Variants in TSPO observed in about 807,000 individuals in gnomAD.
TSPO encodes translocator protein.
In TSPO, 14 loss-of-function variants were observed where a neutral mutation model predicts 13.9. The ratio of observed to expected loss-of-function variants is 1.01; its 90% CI spans 0.67 to 1.58. TSPO has a LOEUF of 1.58. TSPO is among the 40% of genes most tolerant of loss of function. The pLI is 0.00. For missense variants in TSPO, 232 were observed against 229.6 expected (o/e 1.01, Z -0.07); for synonymous variants, 114 against 105.9 (o/e 1.08, Z -0.47).
At chr22:43,155,077 A>G (rs1452492301) in intron 1 of TSPO, among the ~76,000 whole-genome samples, 1 of 150,520 alleles carries the variant, frequency 6.6e-6, no homozygotes, top group Admixed American at 6.6e-5. Flanking sequence ...GCAAGTGGTC[A>G]CGCGGCCCAG....
At position 43,162,804 on chromosome 22, in the gene TSPO, C is replaced by G; in HGVS notation, c.323C>G (p.Ala108Gly). Residue 108 changes from alanine to glycine, a missense_variant and splice_region_variant, in exon 4 of 4, where the codon GCC (alanine) becomes GGC (glycine). Coordinates refer to ENST00000337554, the MANE Select transcript of TSPO (RefSeq NM_000714.6). ...IFFGARQMGW[A>G]LVDLLLVSGA... ...TCCTCCGTCCCCCAATCTCTGCAGGCCTTGGTGGATCTCCTGCTGGTCAGT... is the reference window on the plus strand; with the variant it reads ...TCCTCCGTCCCCCAATCTCTGCAGGGCTTGGTGGATCTCCTGCTGGTCAGT... The G allele has an allele frequency of 6.3e-7, 1 of 1,579,378 alleles. No homozygotes were observed. Among genetic ancestry groups the G allele is most frequent in the Non-Finnish European group, 8.6e-7 (1 of 1,163,902 alleles).
chr22:43,152,878 C>T (rs1484057075), intron 1 of TSPO, among the ~76,000 whole-genome samples: 2 of 152,220 alleles, frequency 1.3e-5, no homozygotes, highest in African/African-American at 4.8e-5. Context: ...ACACTTGTGC[C>T]TGGCGTGAGG....
intron 1 of TSPO, 137 bp from the exon 2 acceptor site, chr22:43,159,073 C>T (rs1931345179): frequency 3.1e-6 from 2 of 649,348 alleles, no homozygotes; most frequent in South Asian, 2.7e-5. Context: ...CCACTCCCAC[C>T]CCGCACATCT....
intron 1 of TSPO, among the ~76,000 whole-genome samples, chr22:43,156,021 C>T (rs772670189): frequency 3.9e-5 from 6 of 152,254 alleles, no homozygotes; most frequent in African/African-American, 9.6e-5. Flanking sequence ...GGAAACTCCC[C>T]GCCCCCGACC....
At chr22:43,161,214 C>T (rs752385147) in intron 3 of TSPO, 24 bp downstream of exon 3, 1 of 1,598,692 alleles carries the variant, frequency 6.3e-7, no homozygotes, top group Non-Finnish European at 8.5e-7. Flanking sequence ...CAGCATGTGT[C>T]CCTGATCCCT....
rs779133076 is a variant in TSPO at position 43,162,758 on chromosome 22, G to A, written c.322-45G>A. Reference sequence around the variant, plus strand: ...CAGTGGGACAGGCACTTGGGTGAACGCGGTGCCTCAGGCCTCCCCATCCTC... The same window carrying A: ...CAGTGGGACAGGCACTTGGGTGAACACGGTGCCTCAGGCCTCCCCATCCTC... On this transcript the variant is annotated intron_variant, in intron 3 of 3. Transcript: ENST00000337554. The A allele has an allele frequency of 2.0e-5, 30 of 1,488,908 alleles. No individual in the cohort carries two copies. In the South Asian group the frequency reaches 2.3e-4, roughly 11 times the overall value. 92.2% of individuals were successfully genotyped at this position (1,488,908 alleles called of 1,614,324 possible).
chr22:43,156,377 C>T (rs917377285), intron 1 of TSPO, among the ~76,000 whole-genome samples: 1 of 152,236 alleles, frequency 6.6e-6, no homozygotes, highest in East Asian at 1.9e-4. Context: ...GTGACAGAAT[C>T]GTGGGGAGTT....
intron 1 of TSPO, among the ~76,000 whole-genome samples, chr22:43,156,530 G>C (rs1231626244): frequency 6.7e-6 from 1 of 150,080 alleles, no homozygotes; most frequent in East Asian, 2.0e-4. Context: ...GATTGCTGGC[G>C]GCCAGGGGTG....
At chr22:43,156,090 G>A (rs1288485936) in intron 1 of TSPO, among the ~76,000 whole-genome samples, 3 of 152,268 alleles carry the variant, frequency 2.0e-5, no homozygotes, top group African/African-American at 7.2e-5. Context: ...GACCCTCTGA[G>A]CCCCTTGGCC....
chr22:43,157,346 C>T (rs1437210007), intron 1 of TSPO, among the ~76,000 whole-genome samples: 2 of 149,278 alleles, frequency 1.3e-5, no homozygotes, highest in African/African-American at 2.6e-5. Flanking sequence ...AACACAGGAA[C>T]GTTTCTTGCC....
intron 1 of TSPO, among the ~76,000 whole-genome samples, chr22:43,158,597 T>A (rs1601757148): frequency 1.3e-5 from 2 of 151,910 alleles, no homozygotes; most frequent in African/African-American, 4.8e-5. Context: ...GGGGCGGTGG[T>A]TTTACTGGGG....
chr22:43,162,991 A>G lies in TSPO; in HGVS notation c.510A>G (p.Ter170TrpextTer32). 1 of 1,581,528 alleles carries G rather than the reference A, an allele frequency of 6.3e-7. No homozygotes were observed. The highest frequency in any genetic ancestry group is 8.6e-7 in the Non-Finnish European group (1 of 1,164,582). The part of the protein sequence containing the change: ...GWRGGRRLPE[*>W] ...GTGGGGGACGGCGGCTGCCAGAGTG[A>G]GTGCCCGGCCCACCAGGGACTGCAG... is the stretch of plus-strand genomic sequence containing the variant. Residue 170 changes from the stop codon to tryptophan, a stop_lost, in exon 4 of 4, where the codon TGA (stop) becomes TGG (tryptophan). Transcript: ENST00000337554.
In TSPO at chr22:43,161,069, T is replaced by C; in HGVS notation, c.200T>C (p.Val67Ala). The part of the protein sequence containing the change: ...YSAMGYGSYL[V>A]WKELGGFTEK... ...TGTTTCAGGTACGGCTCCTACCTGG[T>C]CTGGAAAGAGCTGGGAGGCTTCACA... is the stretch of plus-strand genomic sequence containing the variant. The change falls in exon 3 of 4, where the codon GTC becomes GCC. Residue 67 changes from valine to alanine, a missense_variant. Coordinates refer to ENST00000337554, the MANE Select transcript of TSPO (RefSeq NM_000714.6). The C allele has an allele frequency of 6.2e-7, 1 of 1,613,846 alleles. No homozygotes were observed. The highest frequency in any genetic ancestry group is 8.5e-7 in the Non-Finnish European group (1 of 1,179,838).
chr22:43,156,241 G>A (rs1931246057), intron 1 of TSPO, among the ~76,000 whole-genome samples: 1 of 152,174 alleles, frequency 6.6e-6, no homozygotes, highest in Non-Finnish European at 1.5e-5. Flanking sequence ...ACTTTTATTC[G>A]TTCCATACAA....
intron 1 of TSPO, among the ~76,000 whole-genome samples, chr22:43,158,977 C>T (rs1334865722): frequency 6.6e-6 from 1 of 152,072 alleles, no homozygotes; most frequent in Non-Finnish European, 1.5e-5. Context: ...GGGGTCAGTG[C>T]CAGAGACCCA....
rs8192467 is a variant in TSPO at position 43,162,978 on chromosome 22, G to A, written c.497G>A (p.Arg166Gln). ...RDNHGWRGGR[R>Q]LPE ...AACCATGGCTGGCGTGGGGGACGGC[G>A]GCTGCCAGAGTGAGTGCCCGGCCCA... Residue 166 changes from arginine (R) to glutamine (Q), a missense_variant, in exon 4 of 4, where the codon CGG becomes CAG. By Grantham distance (43) the Arg-to-Gln change is conservative. Coordinates refer to ENST00000337554, the MANE Select transcript of TSPO (RefSeq NM_000714.6). 2.5e-6 allele frequency: 4 copies of A among 1,582,386 alleles called. No individual in the cohort carries two copies. The highest frequency in any genetic ancestry group is 3.4e-6 in the Non-Finnish European group (4 of 1,165,208).
intron 1 of TSPO, among the ~76,000 whole-genome samples, chr22:43,154,255 G>C (rs1379295703): frequency 1.3e-5 from 2 of 152,128 alleles, no homozygotes; most frequent in African/African-American, 2.4e-5. Flanking sequence ...GAGAGACAAG[G>C]CTCAGGGGAG....
At chr22:43,160,959 G>A (rs1931415421) in intron 2 of TSPO, 93 bp from the exon 3 acceptor site, 3 of 1,463,840 alleles carry the variant, frequency 2.0e-6, no homozygotes. Context: ...GTCAGTGTCA[G>A]GTCACGTATG....
At position 43,159,212 on chromosome 22, in the gene TSPO, C is replaced by T; in HGVS notation, c.-27C>T. On this transcript the variant is annotated splice_region_variant and 5_prime_UTR_variant, in exon 2 of 4. Coordinates refer to ENST00000337554, the MANE Select transcript of TSPO (RefSeq NM_000714.6). Reference sequence around the variant, plus strand: ...CCCAGCCCTGTCTTCTCTTTCAGAGCTCCCCTGAACAGCAGCTGCAGCAGC... The same window carrying T: ...CCCAGCCCTGTCTTCTCTTTCAGAGTTCCCCTGAACAGCAGCTGCAGCAGC... 6.7e-7 allele frequency: 1 copy of T among 1,503,468 alleles called. No individual in the cohort carries two copies. The highest frequency in any genetic ancestry group is 2.2e-5 in the Admixed American group (1 of 45,860). 93.1% of individuals were successfully genotyped at this position (1,503,468 alleles called of 1,614,324 possible).
Sources: allele counts gnomAD v4.1 joint callset (sites outside exome capture counted in the v4.1 genomes callset), GRCh38; gene constraint gnomAD v4.1.1; transcripts MANE v1.5; gene names NCBI Gene and HGNC (gene_info 2026-07-23, HGNC 2026-07-21).